Variants in ITIH5 observed in about 807,000 individuals in gnomAD.
ITIH5 encodes the protein inter-alpha-trypsin inhibitor heavy chain H5.
In ITIH5, 65 loss-of-function variants were observed where a neutral mutation model predicts 77.5. The ratio of observed to expected loss-of-function variants is 0.84; its 90% CI spans 0.69 to 1.03. ITIH5 has a LOEUF of 1.03. ITIH5 is among the 50% of genes least tolerant of loss of function. ITIH5 has a pLI of 0.00. For missense variants in ITIH5, 1,208 were observed against 1,213.1 expected, an observed-to-expected ratio of 1.00 and a Z score of 0.06; for synonymous variants, 525 against 494.3, an observed-to-expected ratio of 1.06 and a Z score of -0.82.
chr10:7,642,386 C>T (rs1373095488), intron 2 of ITIH5, among the ~76,000 whole-genome samples: 1 of 152,104 alleles, frequency 6.6e-6, no homozygotes, highest in African/African-American at 2.4e-5. Context: ...AATACACGTT[C>T]CTTAAACAGT....
chr10:7,617,180 T>C lies in ITIH5; in HGVS notation c.755A>G (p.Asn252Ser), dbSNP rs1833385129. The C allele has an allele frequency of 1.9e-6, 3 of 1,606,924 alleles. No individual in the cohort carries two copies. The highest frequency in any genetic ancestry group is 1.3e-5 in the African/African-American group (1 of 74,530). ...TVVQQARIAQ[N>S]GILGDFIIRY... ...AATGATAAAGTCTCCCAAAATTCCA[T>C]TCTGGGCAATCCTGGCTTGTTGTAC... The change falls in exon 6 of 14, where the codon AAT becomes AGT. Residue 252 changes from asparagine (N) to serine (S), a missense_variant. By Grantham distance (46) the Asn-to-Ser change is conservative. Transcript: ENST00000397146.
intron 13 of ITIH5, among the ~76,000 whole-genome samples, chr10:7,564,968 T>C (rs1832111924): frequency 1.4e-5 from 2 of 147,382 alleles, no homozygotes; most frequent in South Asian, 2.1e-4. Context: ...TACATACATA[T>C]ACATATACAC....
chr10:7,651,367 T>C (rs945218456), intron 2 of ITIH5, among the ~76,000 whole-genome samples: 42 of 152,272 alleles, frequency 2.8e-4, no homozygotes, highest in African/African-American at 9.6e-4. Context: ...GCGGATCACC[T>C]GAGGTCAGGA....
At chr10:7,646,912 G>T (rs1834017191) in intron 2 of ITIH5, among the ~76,000 whole-genome samples, 1 of 152,104 alleles carries the variant, frequency 6.6e-6, no homozygotes, top group Non-Finnish European at 1.5e-5. Flanking sequence ...ATACTCTACT[G>T]GTCAAAGCAG....
chr10:7,634,669 C>T (rs1479951275), intron 5 of ITIH5, among the ~76,000 whole-genome samples: 4 of 152,156 alleles, frequency 2.6e-5, no homozygotes, highest in African/African-American at 9.7e-5. Flanking sequence ...CCCCACAACA[C>T]GTACACATCT....
At chr10:7,616,226 C>A in intron 6 of ITIH5, 128 bp from the exon 7 acceptor site, 3 of 626,278 alleles carry the variant, frequency 4.8e-6, no homozygotes, top group Non-Finnish European at 8.7e-6. Context: ...GATTCCACAC[C>A]CGGAGTAAAA....
At chr10:7,601,579 C>T (rs921345476) in intron 7 of ITIH5, among the ~76,000 whole-genome samples, 5 of 152,120 alleles carry the variant, frequency 3.3e-5, no homozygotes, top group Non-Finnish European at 7.4e-5. Context: ...ATCCAGTAGC[C>T]AGCATCAAGC....
intron 2 of ITIH5, among the ~76,000 whole-genome samples, chr10:7,651,888 C>A (rs1393565402): frequency 2.0e-5 from 3 of 152,190 alleles, no homozygotes; most frequent in Non-Finnish European, 4.4e-5. Flanking sequence ...TGCTGCTGCC[C>A]CTGCCTCCAG....
chr10:7,562,112 T>G lies in ITIH5; in HGVS notation c.*971A>C, dbSNP rs781551405. 5.3e-5 allele frequency: 8 copies of G among 152,258 alleles called. No homozygotes were observed. The highest frequency in any genetic ancestry group is 1.0e-4 in the Non-Finnish European group (7 of 68,088). 9.4% of individuals were successfully genotyped at this position (152,258 alleles called of 1,614,324 possible). On this transcript the variant is annotated 3_prime_UTR_variant, in exon 14 of 14. Transcript: ENST00000397146. ...GACACGCTTCCTGCTATAGGTGGGC[T>G]GGTGGACCTGCTCTGAGCCGGCTCT... is the stretch of plus-strand genomic sequence containing the variant.
At chr10:7,594,351 C>T (rs1338462193) in intron 7 of ITIH5, among the ~76,000 whole-genome samples, 1 of 152,144 alleles carries the variant, frequency 6.6e-6, no homozygotes. Context: ...GGAAGAGACA[C>T]TGGGCACCCC....
At chr10:7,576,060 T>C (rs892181262) in intron 10 of ITIH5, among the ~76,000 whole-genome samples, 11 of 152,230 alleles carry the variant, frequency 7.2e-5, no homozygotes, top group African/African-American at 2.7e-4. Context: ...GGTCTTGCTC[T>C]GTCACCCAGG....
intron 1 of ITIH5, among the ~76,000 whole-genome samples, chr10:7,664,744 A>G (rs1461473492): frequency 6.6e-6 from 1 of 152,264 alleles, no homozygotes; most frequent in African/African-American, 2.4e-5. Flanking sequence ...TAAAATTTGC[A>G]TAAGATTTGC....
At position 7,590,135 on chromosome 10, in the gene ITIH5, G is replaced by A. The variant is rs543382995; in HGVS notation, c.940-4066C>T. 3.3e-5 allele frequency among the ~76,000 whole-genome samples: 5 copies of A among 152,098 alleles called. No homozygotes were observed. The South Asian group carries it at 8.3e-4, about 25-fold the overall frequency. ...CGTGTCCCACAGGTAGCTCAGACTC[G>A]ACTCGGTGGAGAATGGAACCTTCAT... is the stretch of plus-strand genomic sequence containing the variant. On this transcript the variant is annotated intron_variant, in intron 7 of 13. Transcript: ENST00000397146.
At chr10:7,575,707 C>T (rs1832397166) in intron 10 of ITIH5, among the ~76,000 whole-genome samples, 1 of 152,112 alleles carries the variant, frequency 6.6e-6, no homozygotes, top group African/African-American at 2.4e-5. Context: ...CTTGGTCCTT[C>T]CCACATGCTC....
chr10:7,662,795 A>C (rs1476131686), intron 1 of ITIH5, among the ~76,000 whole-genome samples: 1 of 152,156 alleles, frequency 6.6e-6, no homozygotes, highest in Non-Finnish European at 1.5e-5. Context: ...CATTTCAACA[A>C]TCCAGCCCTG....
At chr10:7,624,865 G>GTATATACACATA (rs1588409019) in intron 5 of ITIH5, among the ~76,000 whole-genome samples, 2 of 20,572 alleles carry the variant, frequency 9.7e-5, no homozygotes, top group African/African-American at 1.7e-4. Context: ...GTGTATATAT[G>GTATATACACATA]TATATATGTA....
rs796085924 is a variant in ITIH5 at position 7,629,243 on chromosome 10, G to A, written c.652+7985C>T. On this transcript the variant is annotated intron_variant, in intron 5 of 13. Transcript: ENST00000397146. ...TTGTAGCGTGTGCCCATGTTGTAGCGTGTGTCCATGTTGTAGCGTGTGTCC... is the reference window on the plus strand; with the variant it reads ...TTGTAGCGTGTGCCCATGTTGTAGCATGTGTCCATGTTGTAGCGTGTGTCC... 2.8e-4 allele frequency among the ~76,000 whole-genome samples: 33 copies of A among 117,594 alleles called. 3 individuals carry two copies. The highest frequency in any genetic ancestry group is 3.0e-4 in the Non-Finnish European group (15 of 50,780). 77.1% of individuals were successfully genotyped at this position (117,594 alleles called of 152,430 possible). A position where few individuals can be genotyped will look rare whatever the true frequency, so the allele number is the denominator to read the frequency against.
At chr10:7,649,083 C>T (rs1834050466) in intron 2 of ITIH5, among the ~76,000 whole-genome samples, 1 of 152,142 alleles carries the variant, frequency 6.6e-6, no homozygotes, top group Non-Finnish European at 1.5e-5. Context: ...GTTACCAACC[C>T]TTACCCCTGC....
At chr10:7,569,630 G>T (rs777718573) in intron 12 of ITIH5, 38 bp downstream of exon 12, 21 of 1,372,676 alleles carry the variant, frequency 1.5e-5, no homozygotes, top group Non-Finnish European at 2.0e-5. Context: ...TACCTACCTG[G>T]TCCTTGCCCA....
Sources: allele counts gnomAD v4.1 joint callset (sites outside exome capture counted in the v4.1 genomes callset), GRCh38; gene constraint gnomAD v4.1.1; transcripts MANE v1.5; gene names NCBI Gene and HGNC (gene_info 2026-07-23, HGNC 2026-07-21).